SNCAIP: variants seen among roughly 807,000 people sequenced by gnomAD.
The protein encoded by SNCAIP is synphilin-1.
SNCAIP carries 43 observed loss-of-function variants against 86.7 expected under a neutral mutation model. The observed-to-expected ratio is 0.50, with a 90% CI of 0.39 to 0.64. SNCAIP has a LOEUF of 0.64. SNCAIP is among the 30% of genes least tolerant of loss of function. The pLI is 0.00. For missense variants in SNCAIP, 981 were observed against 1,103.1 expected (o/e 0.89, Z 1.57); for synonymous variants, 417 against 427.2 (o/e 0.98, Z 0.29).
intron 3 of SNCAIP, among the ~76,000 whole-genome samples, chr5:122,415,275 G>C (rs1775077044): frequency 1.3e-5 from 2 of 152,204 alleles, no homozygotes; most frequent in African/African-American, 2.4e-5. Flanking sequence ...CAGACCCACA[G>C]ACCTGCCAAG....
chr5:122,394,506 C>A (rs1455456330), intron 2 of SNCAIP, among the ~76,000 whole-genome samples: 1 of 152,192 alleles, frequency 6.6e-6, no homozygotes, highest in Non-Finnish European at 1.5e-5. Context: ...AAGGGCAGAA[C>A]ATTCTCCAAT....
At position 122,354,107 on chromosome 5, in the gene SNCAIP, C is replaced by T. The variant is rs79392420; in HGVS notation, c.-46-36982C>T. Among the ~76,000 whole-genome samples, 333 of 152,298 alleles carry T rather than the reference C, an allele frequency of 2.2e-3. 2 individuals carry two copies. Among genetic ancestry groups the T allele is most frequent in the African/African-American group, 7.6e-3 (315 of 41,560 alleles). Reference sequence around the variant, plus strand: ...CCAGACTGACCCAGCCAGACTCTAACCTCACAGTTTAGAATTCAAGTCTTC... The same window carrying T: ...CCAGACTGACCCAGCCAGACTCTAATCTCACAGTTTAGAATTCAAGTCTTC... On this transcript the variant is annotated intron_variant, in intron 1 of 10. Coordinates refer to ENST00000261368, the MANE Select transcript of SNCAIP (RefSeq NM_005460.4).
intron 3 of SNCAIP, among the ~76,000 whole-genome samples, chr5:122,413,532 T>A (rs1055720785): frequency 2.0e-5 from 3 of 152,172 alleles, no homozygotes; most frequent in Non-Finnish European, 4.4e-5. Context: ...TAATTTTTTT[T>A]ATTTACCTGT....
intron 1 of SNCAIP, among the ~76,000 whole-genome samples, chr5:122,348,900 T>C (rs1400668199): frequency 1.3e-5 from 2 of 152,122 alleles, no homozygotes; most frequent in Admixed American, 1.3e-4. Flanking sequence ...TCCTGAAAAA[T>C]CAACAATTGA....
At chr5:122,393,238 T>G (rs1328609974) in intron 2 of SNCAIP, among the ~76,000 whole-genome samples, 2 of 152,202 alleles carry the variant, frequency 1.3e-5, no homozygotes, top group African/African-American at 4.8e-5. Flanking sequence ...ATTGCATAGA[T>G]TTGAAATTCT....
At chr5:122,316,777 G>C (rs1580719468) in intron 1 of SNCAIP, among the ~76,000 whole-genome samples, 2 of 152,210 alleles carry the variant, frequency 1.3e-5, no homozygotes, top group Non-Finnish European at 2.9e-5. Flanking sequence ...GCAAGGTGCT[G>C]TTTCTTCAGC....
intron 1 of SNCAIP, among the ~76,000 whole-genome samples, chr5:122,361,253 T>C (rs1163307735): frequency 1.3e-5 from 2 of 151,874 alleles, no homozygotes; most frequent in African/African-American, 4.8e-5. Flanking sequence ...AGTCAGATCA[T>C]ACTCTTATGA....
chr5:122,436,180 AT>A (rs970126599), intron 6 of SNCAIP, among the ~76,000 whole-genome samples: 3 of 152,060 alleles, frequency 2.0e-5, no homozygotes, highest in Non-Finnish European at 2.9e-5. Flanking sequence ...TACTAGTTCA[AT>A]GGGTTAGATA....
chr5:122,443,932 C>T (rs995832326), intron 7 of SNCAIP, among the ~76,000 whole-genome samples: 2 of 152,144 alleles, frequency 1.3e-5, no homozygotes, highest in African/African-American at 4.8e-5. Flanking sequence ...GCCATAGAAC[C>T]CTCTCCTCAT....
In SNCAIP at chr5:122,451,403, A is replaced by G. The variant is rs761300214; in HGVS notation, c.2556A>G (p.Glu852=). The change falls in exon 10 of 11, where the codon GAA becomes GAG. Residue 852 remains glutamate (E), a synonymous_variant. Coordinates refer to ENST00000261368, the MANE Select transcript of SNCAIP (RefSeq NM_005460.4). The part of the protein sequence containing the change: ...RTLQRTSTSN[E]SGDQLKRPFG... ...TCCAGCGGACCTCCACAAGTAACGA[A>G]TCGGGGGATCAACTGAAAAGGCCTT... 6 of 1,614,154 alleles carry G rather than the reference A, an allele frequency of 3.7e-6. No individual in the cohort carries two copies. Among genetic ancestry groups the G allele is most frequent in the Non-Finnish European group, 4.2e-6 (5 of 1,180,006 alleles).
At chr5:122,411,114 C>G (rs1774027368) in intron 3 of SNCAIP, among the ~76,000 whole-genome samples, 1 of 152,122 alleles carries the variant, frequency 6.6e-6, no homozygotes, top group Non-Finnish European at 1.5e-5. Context: ...ACTCCCCAAA[C>G]TGGTAAGTAA....
At chr5:122,413,898 G>A (rs1774682850) in intron 3 of SNCAIP, among the ~76,000 whole-genome samples, 1 of 152,136 alleles carries the variant, frequency 6.6e-6, no homozygotes, top group African/African-American at 2.4e-5. Flanking sequence ...TTTTAAGAAA[G>A]GTTGGGGGAT....
chr5:122,354,045 C>G (rs1015917290), intron 1 of SNCAIP, among the ~76,000 whole-genome samples: 2 of 152,158 alleles, frequency 1.3e-5, no homozygotes, highest in African/African-American at 4.8e-5. Context: ...TGTGCCACAT[C>G]TCAGACATGG....
At chr5:122,420,554 GTA>G (rs1452446278) in intron 3 of SNCAIP, among the ~76,000 whole-genome samples, 1 of 149,700 alleles carries the variant, frequency 6.7e-6, no homozygotes, top group Admixed American at 6.8e-5. Flanking sequence ...TAATAAGAGT[GTA>G]TCTCAGAAAT....
intron 3 of SNCAIP, among the ~76,000 whole-genome samples, chr5:122,406,431 G>A (rs376644078): frequency 1.3e-5 from 2 of 152,276 alleles, no homozygotes; most frequent in South Asian, 2.1e-4. Flanking sequence ...TTCCTCAACC[G>A]TCTGTCACTT....
chr5:122,427,966 C>A, intron 5 of SNCAIP, among the ~76,000 whole-genome samples: 1 of 152,108 alleles, frequency 6.6e-6, no homozygotes, highest in East Asian at 1.9e-4. Context: ...TTCTGGGATA[C>A]CCAAGAGTAC....
At chr5:122,329,439 G>A (rs190495317) in intron 1 of SNCAIP, among the ~76,000 whole-genome samples, 1 of 152,234 alleles carries the variant, frequency 6.6e-6, no homozygotes, top group Non-Finnish European at 1.5e-5. Context: ...TTATTTAGTT[G>A]TTAAATTGTT....
chr5:122,361,634 G>T (rs1156815039), intron 1 of SNCAIP, among the ~76,000 whole-genome samples: 1 of 152,098 alleles, frequency 6.6e-6, no homozygotes, highest in African/African-American at 2.4e-5. Flanking sequence ...AACTGTGGGA[G>T]GCTGGAGAAT....
At chr5:122,416,785 C>G (rs1775398391) in intron 3 of SNCAIP, among the ~76,000 whole-genome samples, 1 of 152,124 alleles carries the variant, frequency 6.6e-6, no homozygotes, top group Non-Finnish European at 1.5e-5. Context: ...ATTAATACTC[C>G]CAATCATTCA....
Sources: allele counts gnomAD v4.1 joint callset (sites outside exome capture counted in the v4.1 genomes callset), GRCh38; gene constraint gnomAD v4.1.1; transcripts MANE v1.5; gene names NCBI Gene and HGNC (gene_info 2026-07-23, HGNC 2026-07-21).